CYB5R4: variants seen among roughly 807,000 people sequenced by gnomAD.
CYB5R4 encodes the protein cytochrome b5 reductase 4, also known as N-terminal cytochrome b5 and cytochrome b5 oxidoreductase domain-containing protein.
In CYB5R4, 55 loss-of-function variants were observed where a neutral mutation model predicts 70.2. The ratio of observed to expected loss-of-function variants is 0.78; its 90% CI spans 0.63 to 0.98. CYB5R4 has a LOEUF of 0.98. Among genes scored for constraint, CYB5R4 ranks in the 50% least tolerant of loss-of-function variants. The probability of loss-of-function intolerance (pLI) is 0.00; values close to 1 mark genes in which losing one functional copy is unlikely to be tolerated. For synonymous variants in CYB5R4, 197 were observed against 199.5 expected (o/e 0.99, Z 0.11); for missense variants, 562 against 612.6 (o/e 0.92, Z 0.87).
intron 13 of CYB5R4, 110 bp downstream of exon 13, chr6:83,940,316 A>C: frequency 1.7e-6 from 2 of 1,160,238 alleles, no homozygotes; most frequent in Non-Finnish European, 2.4e-6. Flanking sequence ...CCATTTCCTC[A>C]TTCATCATTT....
Position 83,908,970 on chromosome 6 carries a change from T to TA in CYB5R4, c.331-38dup, listed in dbSNP as rs2099464261. 3 of 1,543,634 alleles carry TA rather than the reference T, an allele frequency of 1.9e-6. No homozygotes were observed. The East Asian group carries it at 6.8e-5, about 35-fold the overall frequency. ...CTAAAATGAGAGCATCCTGTGGAGTTAGTCATGTTGCTTTTCCATCATTTG... is the reference window on the plus strand; with the variant it reads ...CTAAAATGAGAGCATCCTGTGGAGTTAAGTCATGTTGCTTTTCCATCATTTG... On this transcript the variant is annotated intron_variant, in intron 3 of 15. Coordinates refer to ENST00000369681, the MANE Select transcript of CYB5R4 (RefSeq NM_016230.4).
intron 2 of CYB5R4, among the ~76,000 whole-genome samples, chr6:83,869,086 T>C (rs1301632716): frequency 6.6e-6 from 1 of 152,240 alleles, no homozygotes; most frequent in African/African-American, 2.4e-5. Flanking sequence ...TTATGCTGAT[T>C]GTCATATACT....
chr6:83,886,597 G>A (rs547721617), intron 2 of CYB5R4, among the ~76,000 whole-genome samples: 3 of 152,154 alleles, frequency 2.0e-5, no homozygotes, highest in African/African-American at 4.8e-5. Flanking sequence ...AGAGACAGAA[G>A]GTAGACTAGT....
intron 4 of CYB5R4, among the ~76,000 whole-genome samples, chr6:83,912,368 A>G (rs879064365): frequency 6.6e-6 from 1 of 152,206 alleles, no homozygotes; most frequent in Non-Finnish European, 1.5e-5. Context: ...AAGATGATCA[A>G]TAGATGTTTA....
At chr6:83,878,515 T>C (rs1562828505) in intron 2 of CYB5R4, among the ~76,000 whole-genome samples, 1 of 152,070 alleles carries the variant, frequency 6.6e-6, no homozygotes, top group Non-Finnish European at 1.5e-5. Flanking sequence ...GCCTGGCCAA[T>C]TTTTGTATTT....
chr6:83,935,165 A>G (rs998098452), intron 11 of CYB5R4, among the ~76,000 whole-genome samples: 1 of 152,224 alleles, frequency 6.6e-6, no homozygotes, highest in Non-Finnish European at 1.5e-5. Context: ...ATTTTATTAT[A>G]TGTGCTACCA....
intron 10 of CYB5R4, among the ~76,000 whole-genome samples, chr6:83,932,580 C>G (rs998783990): frequency 6.6e-6 from 1 of 152,296 alleles, no homozygotes; most frequent in South Asian, 2.1e-4. Context: ...GTGACTGTCT[C>G]CAGCCACACC....
chr6:83,963,420 CTG>C lies in CYB5R4; in HGVS notation c.*3544_*3545del, dbSNP rs2099473618. ...GTCCTGAACGAGGTTGGGGCTGAGT[CTG>C]TTGATAACAGACCCCCATTTTTGGG... On this transcript the variant is annotated 3_prime_UTR_variant, in exon 16 of 16. Transcript: ENST00000369681. 1 of 152,156 alleles carries C rather than the reference CTG, an allele frequency of 6.6e-6. No individual in the cohort carries two copies. Among genetic ancestry groups the C allele is most frequent in the Admixed American group, 6.5e-5 (1 of 15,268 alleles). 9.4% of individuals were successfully genotyped at this position (152,156 alleles called of 1,614,324 possible). A position where few individuals can be genotyped will look rare whatever the true frequency, so the allele number is the denominator to read the frequency against.
At chr6:83,927,068 C>T (rs540288952) in intron 10 of CYB5R4, among the ~76,000 whole-genome samples, 12 of 152,222 alleles carry the variant, frequency 7.9e-5, no homozygotes, top group Non-Finnish European at 1.2e-4. Context: ...CTCTGATTTC[C>T]GTTCTTCCTG....
Position 83,940,122 on chromosome 6 carries a change from A to G in CYB5R4, c.1175A>G (p.Asp392Gly). Residue 392 changes from aspartate to glycine, a missense_variant, in exon 13 of 16, where the codon GAT (aspartate) becomes GGT (glycine). Physicochemically the swap from Asp to Gly is moderately conservative, Grantham distance 94 (BLOSUM62 -1). Transcript: ENST00000369681. ...FKISKFQELE[D>G]LFLLAAGTGF... ...ATATCCAAGTTCCAAGAATTAGAAG[A>G]TCTCTTTTTGTTGGCAGCTGGAACA... is the stretch of plus-strand genomic sequence containing the variant. 1.9e-6 allele frequency: 3 copies of G among 1,612,580 alleles called. No homozygotes were observed. Among genetic ancestry groups the G allele is most frequent in the Middle Eastern group, 1.7e-4 (1 of 6,046 alleles).
At chr6:83,898,125 T>A (rs2099462222) in intron 3 of CYB5R4, among the ~76,000 whole-genome samples, 1 of 152,230 alleles carries the variant, frequency 6.6e-6, no homozygotes, top group Admixed American at 6.5e-5. Flanking sequence ...TAATCCATCT[T>A]GAATTAATTT....
intron 2 of CYB5R4, among the ~76,000 whole-genome samples, chr6:83,887,937 T>C (rs1287541328): frequency 6.6e-6 from 1 of 152,090 alleles, no homozygotes; most frequent in Non-Finnish European, 1.5e-5. Context: ...TTATTTACAG[T>C]CCAGTTTTAC....
intron 15 of CYB5R4, among the ~76,000 whole-genome samples, chr6:83,958,550 A>T (rs1473656451): frequency 6.6e-6 from 1 of 152,204 alleles, no homozygotes; most frequent in Non-Finnish European, 1.5e-5. Flanking sequence ...GTGCAGATTT[A>T]TACAAAAGAC....
chr6:83,891,998 C>T (rs1221323129), intron 2 of CYB5R4, among the ~76,000 whole-genome samples: 1 of 152,156 alleles, frequency 6.6e-6, no homozygotes, highest in African/African-American at 2.4e-5. Flanking sequence ...GAGGCATCCT[C>T]TGTCTTAAAA....
intron 5 of CYB5R4, 107 bp downstream of exon 5, chr6:83,914,555 T>G (rs2099465190): frequency 9.9e-7 from 1 of 1,011,922 alleles, no homozygotes; most frequent in Non-Finnish European, 1.3e-6. Flanking sequence ...TTTTTCTTTT[T>G]GAGATGGAGT....
intron 2 of CYB5R4, among the ~76,000 whole-genome samples, chr6:83,870,089 C>CT (rs1368928229): frequency 6.6e-6 from 1 of 152,136 alleles, no homozygotes; most frequent in Non-Finnish European, 1.5e-5. Context: ...TGTCTTTAAA[C>CT]AGCAACACAC....
intron 14 of CYB5R4, among the ~76,000 whole-genome samples, chr6:83,941,224 A>G (rs748690552): frequency 6.6e-6 from 1 of 152,200 alleles, no homozygotes; most frequent in Non-Finnish European, 1.5e-5. Flanking sequence ...ACAAAAGTGA[A>G]AACTTATTTT....
chr6:83,926,168 A>T (rs2099467240), intron 10 of CYB5R4: 1 of 152,190 alleles, frequency 6.6e-6, no homozygotes, highest in Non-Finnish European at 1.5e-5. Flanking sequence ...GAAACTGTGC[A>T]TGTGGGTGTG....
At chr6:83,910,720 G>A (rs1159437776) in intron 4 of CYB5R4, among the ~76,000 whole-genome samples, 4 of 152,144 alleles carry the variant, frequency 2.6e-5, no homozygotes, top group Non-Finnish European at 4.4e-5. Context: ...TGATAGGACA[G>A]GAATGGAAAA....
Sources: allele counts gnomAD v4.1 joint callset (sites outside exome capture counted in the v4.1 genomes callset), GRCh38; gene constraint gnomAD v4.1.1; transcripts MANE v1.5; gene names NCBI Gene and HGNC (gene_info 2026-07-23, HGNC 2026-07-21).